Variants in SDK1 observed in about 807,000 individuals in gnomAD.
SDK1 encodes the protein protein sidekick-1.
A neutral mutation model predicts 245.5 loss-of-function variants in SDK1; 157 were observed. The ratio of observed to expected loss-of-function variants is 0.64; its 90% CI spans 0.56 to 0.73. SDK1 has a LOEUF of 0.73. Among genes scored for constraint, SDK1 ranks in the 30% least tolerant of loss-of-function variants. The probability of loss-of-function intolerance (pLI) is 0.00; values close to 1 mark genes in which losing one functional copy is unlikely to be tolerated. For missense variants in SDK1, 3,583 were observed against 3,002.3 expected (o/e 1.19, Z -4.52); for synonymous variants, 1,647 against 1,278.5 (o/e 1.29, Z -6.15).
chr7:4,107,060 G>A (rs934352679), intron 22 of SDK1, among the ~76,000 whole-genome samples: 1 of 149,920 alleles, frequency 6.7e-6, no homozygotes, highest in Admixed American at 6.7e-5. Flanking sequence ...CAGGACCCCA[G>A]CGTTCCTCAG....
rs532307321 is a variant in SDK1, at chr7:3,981,398, C to T, written c.1995-5788C>T. Among the ~76,000 whole-genome samples the T allele has an allele frequency of 4.9e-4, 74 of 152,234 alleles. 1 individual carries two copies. Among genetic ancestry groups the T allele is most frequent in the African/African-American group, 1.4e-3 (59 of 41,524 alleles). ...AGTGTGAAATTTGGCCAGTTAATAACCCTGCAAAGGCCTCTGAGTGTCCAT... is the reference window on the plus strand; with the variant it reads ...AGTGTGAAATTTGGCCAGTTAATAATCCTGCAAAGGCCTCTGAGTGTCCAT... On this transcript the variant is annotated intron_variant, in intron 13 of 44. Coordinates refer to ENST00000404826, the MANE Select transcript of SDK1 (RefSeq NM_152744.4).
chr7:4,154,831 A>G (rs1363536550), intron 30 of SDK1, among the ~76,000 whole-genome samples: 1 of 152,048 alleles, frequency 6.6e-6, no homozygotes, highest in East Asian at 1.9e-4. Context: ...GTGTGAACAG[A>G]GTGCAGAATT....
intron 1 of SDK1, among the ~76,000 whole-genome samples, chr7:3,322,908 C>G (rs931096493): frequency 6.6e-6 from 1 of 152,142 alleles, no homozygotes; most frequent in Non-Finnish European, 1.5e-5. Flanking sequence ...CTCCCAGGTT[C>G]AAACAGTCCT....
intron 1 of SDK1, among the ~76,000 whole-genome samples, chr7:3,618,806 A>G (rs752123701): frequency 6.6e-5 from 10 of 152,238 alleles, no homozygotes; most frequent in Admixed American, 3.9e-4. Context: ...TGTCCCTTCA[A>G]TAAGCTATTA....
intron 1 of SDK1, among the ~76,000 whole-genome samples, chr7:3,520,891 A>G (rs1447139688): frequency 1.3e-5 from 2 of 152,222 alleles, no homozygotes; most frequent in Non-Finnish European, 2.9e-5. Context: ...CAAATTGACC[A>G]GTTTAAAACA....
At chr7:3,922,891 A>T (rs1026111757) in intron 5 of SDK1, among the ~76,000 whole-genome samples, 1 of 152,148 alleles carries the variant, frequency 6.6e-6, no homozygotes, top group African/African-American at 2.4e-5. Flanking sequence ...TACTGTGCTT[A>T]TATTTGATCT....
intron 5 of SDK1, among the ~76,000 whole-genome samples, chr7:3,894,411 C>T (rs531438408): frequency 4.6e-5 from 7 of 151,570 alleles, no homozygotes; most frequent in African/African-American, 9.7e-5. Context: ...AAGCTCCTGA[C>T]AGCCTCTGCA....
intron 12 of SDK1, among the ~76,000 whole-genome samples, chr7:3,973,984 C>G (rs182421101): frequency 2.0e-5 from 3 of 152,056 alleles, no homozygotes; most frequent in African/African-American, 7.2e-5. Context: ...GAGTTTGAGA[C>G]TAGCCTGGGC....
At chr7:4,030,903 T>C (rs1419242287) in intron 17 of SDK1, among the ~76,000 whole-genome samples, 1 of 152,138 alleles carries the variant, frequency 6.6e-6, no homozygotes, top group East Asian at 1.9e-4. Context: ...AATGTCTGCT[T>C]CCCCTACTAC....
chr7:4,070,652 G>C (rs1220188121), intron 20 of SDK1, among the ~76,000 whole-genome samples: 1 of 151,826 alleles, frequency 6.6e-6, no homozygotes, highest in Non-Finnish European at 1.5e-5. Flanking sequence ...TCCCCTGATA[G>C]AGCGGTGTGC....
At chr7:3,804,258 G>C (rs1009617660) in intron 4 of SDK1, among the ~76,000 whole-genome samples, 6 of 152,070 alleles carry the variant, frequency 3.9e-5, no homozygotes, top group Non-Finnish European at 5.9e-5. Flanking sequence ...GTTTATTTTT[G>C]TATTCAGTTA....
chr7:3,855,800 CAA>C (rs1330503512), intron 5 of SDK1, among the ~76,000 whole-genome samples: 4 of 152,102 alleles, frequency 2.6e-5, no homozygotes, highest in African/African-American at 9.7e-5. Flanking sequence ...CTCTTTTAGT[CAA>C]AGTTCTGAGG....
chr7:3,585,285 A>G (rs1222993497), intron 1 of SDK1, among the ~76,000 whole-genome samples: 1 of 152,168 alleles, frequency 6.6e-6, no homozygotes, highest in East Asian at 1.9e-4. Context: ...CTGGTTTTGT[A>G]ATAGACCAGA....
chr7:4,081,078 G>A (rs1781025835), intron 22 of SDK1, among the ~76,000 whole-genome samples: 2 of 152,186 alleles, frequency 1.3e-5, no homozygotes, highest in South Asian at 4.1e-4. Context: ...GGTGTCTGAC[G>A]ATGCCGCATA....
intron 1 of SDK1, among the ~76,000 whole-genome samples, chr7:3,424,460 A>G (rs963142314): frequency 1.3e-5 from 2 of 152,194 alleles, no homozygotes; most frequent in African/African-American, 2.4e-5. Flanking sequence ...ATCTTTTCAC[A>G]CTGATAAAAA....
chr7:3,894,705 T>C lies in SDK1; in HGVS notation c.848-56218T>C, dbSNP rs545608144. On this transcript the variant is annotated intron_variant, in intron 5 of 44. Transcript: ENST00000404826. Reference sequence around the variant, plus strand: ...AGAGTAATACTATTTTTTCTTTTTTTTTTTTTTTTTTGAGACGGAGTCTCA... The same window carrying C: ...AGAGTAATACTATTTTTTCTTTTTTCTTTTTTTTTTTGAGACGGAGTCTCA... Among the ~76,000 whole-genome samples the C allele has an allele frequency of 1.3e-4, 20 of 150,128 alleles. No individual in the cohort carries two copies. The East Asian group carries it at 3.3e-3, about 25-fold the overall frequency.
chr7:3,646,009 C>A (rs967956005), intron 4 of SDK1, among the ~76,000 whole-genome samples: 3 of 152,080 alleles, frequency 2.0e-5, no homozygotes, highest in African/African-American at 7.2e-5. Context: ...CAGGCGCACC[C>A]CACTATGCCC....
At chr7:3,776,482 G>A (rs191508731) in intron 4 of SDK1, among the ~76,000 whole-genome samples, 40 of 152,152 alleles carry the variant, frequency 2.6e-4, no homozygotes, top group Non-Finnish European at 4.7e-4. Context: ...TTATGAACCC[G>A]ATCAGATCCC....
chr7:3,941,761 G>A (rs768536327), intron 5 of SDK1, among the ~76,000 whole-genome samples: 13 of 152,134 alleles, frequency 8.5e-5, no homozygotes, highest in African/African-American at 1.2e-4. Context: ...TTGACGAAGT[G>A]GACGTTAGGC....
Sources: allele counts gnomAD v4.1 joint callset (sites outside exome capture counted in the v4.1 genomes callset), GRCh38; gene constraint gnomAD v4.1.1; transcripts MANE v1.5; gene names NCBI Gene and HGNC (gene_info 2026-07-23, HGNC 2026-07-21).